Variants in TRAK1 observed in about 807,000 individuals in gnomAD.
TRAK1 encodes the protein trafficking kinesin protein 1.
Under a neutral mutation model 92.1 loss-of-function variants are expected in TRAK1, and 33 were observed. That is an observed-to-expected ratio of 0.36 (90% CI 0.27 to 0.48). TRAK1 has a LOEUF of 0.48. Ranked by LOEUF, TRAK1 falls within the 20% of genes least tolerant of loss-of-function variation. The pLI is 0.99. For synonymous variants in TRAK1, 521 were observed against 517.3 expected (o/e 1.01, Z -0.10); for missense variants, 1,123 against 1,257.9 (o/e 0.89, Z 1.62).
rs184582433 is a variant in TRAK1 at position 42,063,098 on chromosome 3, C to G, written c.-518-24006C>G. Reference sequence around the variant, plus strand: ...AAATCCAGTGCTTATTCTCACAGACCATGGGTCAAATCCATCCCACCGCCT... The same window carrying G: ...AAATCCAGTGCTTATTCTCACAGACGATGGGTCAAATCCATCCCACCGCCT... On this transcript the variant is annotated intron_variant, in intron 1 of 16. Transcript: ENST00000487159. Among the ~76,000 whole-genome samples, 93 of 152,318 alleles carry G rather than the reference C, an allele frequency of 6.1e-4. 1 individual carries two copies. The East Asian group carries it at 0.017, about 27-fold the overall frequency.
chr3:42,089,450 T>C (rs763940406), upstream of TRAK1, among the ~76,000 whole-genome samples: 1 of 152,154 alleles, frequency 6.6e-6, no homozygotes, highest in Non-Finnish European at 1.5e-5. Context: ...TGAGCTCCCC[T>C]TCTATAGAGA....
At chr3:42,091,771 T>C (rs1705103664) in intron 1 of TRAK1, among the ~76,000 whole-genome samples, 1 of 151,948 alleles carries the variant, frequency 6.6e-6, no homozygotes, top group South Asian at 2.1e-4. Flanking sequence ...CCCCCCCATC[T>C]CCCGTTCCCA....
chr3:42,100,473 T>C (rs1360407173), intron 1 of TRAK1, among the ~76,000 whole-genome samples: 1 of 152,212 alleles, frequency 6.6e-6, no homozygotes. Context: ...TCCATCTACC[T>C]TTATTCTCTT....
At chr3:42,131,143 G>A (rs1460072662) in intron 2 of TRAK1, among the ~76,000 whole-genome samples, 3 of 152,110 alleles carry the variant, frequency 2.0e-5, no homozygotes, top group Non-Finnish European at 4.4e-5. Context: ...AGGACCCGGA[G>A]TATCTGGCAT....
chr3:42,140,615 A>G (rs1698528166), intron 2 of TRAK1, among the ~76,000 whole-genome samples: 1 of 152,244 alleles, frequency 6.6e-6, no homozygotes, highest in South Asian at 2.1e-4. Flanking sequence ...CGACAGAGTG[A>G]GACTCCATCT....
intron 1 of TRAK1, among the ~76,000 whole-genome samples, chr3:42,109,792 G>T (rs1708084502): frequency 6.6e-6 from 1 of 152,044 alleles, no homozygotes; most frequent in South Asian, 2.1e-4. Flanking sequence ...ATGAGTTCAT[G>T]TCCTTTGTAG....
chr3:42,069,805 A>G (rs1703839556), intron 1 of TRAK1, among the ~76,000 whole-genome samples: 1 of 152,076 alleles, frequency 6.6e-6, no homozygotes, highest in Non-Finnish European at 1.5e-5. Context: ...GGAAAGTTAC[A>G]TCTTTGTATG....
chr3:42,100,325 C>G (rs868093058), intron 1 of TRAK1, among the ~76,000 whole-genome samples: 29 of 152,250 alleles, frequency 1.9e-4, no homozygotes, highest in African/African-American at 5.3e-4. Context: ...CATGATTGTG[C>G]CACTGCACTC....
intron 13 of TRAK1, chr3:42,203,732 C>T (rs1036701582): frequency 1.0e-6 from 1 of 980,544 alleles, no homozygotes. Flanking sequence ...ATTGTCCCCT[C>T]TAAGGAGCCT....
At chr3:42,213,653 C>G (rs1413246370) in intron 14 of TRAK1, among the ~76,000 whole-genome samples, 1 of 152,232 alleles carries the variant, frequency 6.6e-6, no homozygotes, top group Non-Finnish European at 1.5e-5. Context: ...AGCTTGTATC[C>G]TGTCCCCTCT....
upstream of TRAK1, among the ~76,000 whole-genome samples, chr3:42,086,565 C>T (rs138605440): frequency 3.7e-3 from 560 of 152,132 alleles, 4 homozygotes; most frequent in African/African-American, 0.013. Context: ...GAGCCGCCCA[C>T]CTCGGCCTCT....
intron 2 of TRAK1, among the ~76,000 whole-genome samples, chr3:42,165,198 C>T (rs1343638894): frequency 1.4e-4 from 21 of 152,146 alleles, no homozygotes; most frequent in Admixed American, 1.2e-3. Flanking sequence ...CCCGAGAACA[C>T]GGGCTGCAGG....
chr3:42,035,989 A>G (rs1702312205), intron 1 of TRAK1, among the ~76,000 whole-genome samples: 1 of 152,164 alleles, frequency 6.6e-6, no homozygotes, highest in Non-Finnish European at 1.5e-5. Context: ...AGTCAGACCT[A>G]CGGTTGGCCT....
chr3:42,097,043 C>T (rs567414809), intron 1 of TRAK1, among the ~76,000 whole-genome samples: 7 of 152,298 alleles, frequency 4.6e-5, no homozygotes, highest in African/African-American at 1.7e-4. Context: ...GTATGTATGT[C>T]CCCTCCCCTG....
intron 2 of TRAK1, chr3:42,149,171 G>C (rs897265745): frequency 1.6e-4 from 161 of 1,032,308 alleles, no homozygotes; most frequent in Non-Finnish European, 1.8e-4. Context: ...GAGACAGCCA[G>C]TGGTGGTGTG....
upstream of TRAK1, among the ~76,000 whole-genome samples, chr3:42,013,614 G>C (rs1315629001): frequency 1.3e-5 from 2 of 149,556 alleles, no homozygotes; most frequent in Non-Finnish European, 3.0e-5. This position sits in a 1 kb window ranked among gnomAD's most constrained non-coding sequence, Gnocchi z 5.1. Flanking sequence ...GGCGGTGACG[G>C]CAGCGCGGAG....
rs1489937835 is a variant in TRAK1 at position 42,202,932 on chromosome 3, C to A, written c.1744+180C>A. ...GTGCTCAGCCTAGGCCTCCGTCCCT[C>A]CCCTCTGGCTGGCAGGTGTGACAAT... is the stretch of plus-strand genomic sequence containing the variant. On this transcript the variant is annotated intron_variant, in intron 13 of 15. Coordinates refer to ENST00000327628, the MANE Select transcript of TRAK1 (RefSeq NM_001042646.3). This position sits in a 1 kb window ranked among gnomAD's most constrained non-coding sequence, Gnocchi z 6.1. 2 of 1,405,816 alleles carry A rather than the reference C, an allele frequency of 1.4e-6. No individual in the cohort carries two copies. 87.1% of individuals were successfully genotyped at this position (1,405,816 alleles called of 1,614,324 possible). A position where few individuals can be genotyped will look rare whatever the true frequency, so the allele number is the denominator to read the frequency against.
At chr3:42,023,395 ATGGCAGGG>A (rs1701797532) in intron 1 of TRAK1, among the ~76,000 whole-genome samples, 4 of 152,224 alleles carry the variant, frequency 2.6e-5, no homozygotes, top group African/African-American at 9.6e-5. Flanking sequence ...GAGAAGGCCC[ATGGCAGGG>A]TTGGGTGGCA....
chr3:42,215,118 T>C (rs1709521667), intron 14 of TRAK1, among the ~76,000 whole-genome samples: 1 of 152,204 alleles, frequency 6.6e-6, no homozygotes, highest in African/African-American at 2.4e-5. Flanking sequence ...GAACTCATCA[T>C]AGAACTTTTT....
Sources: allele counts gnomAD v4.1 joint callset (sites outside exome capture counted in the v4.1 genomes callset), GRCh38; gene constraint gnomAD v4.1.1; non-coding constraint Gnocchi (gnomAD v3.1); transcripts MANE v1.5; gene names NCBI Gene and HGNC (gene_info 2026-07-23, HGNC 2026-07-21).